The following FBLN7 variants were observed in gnomAD, a reference collection of about 807,000 sequenced individuals.
FBLN7 encodes fibulin 7.
FBLN7 carries 31 observed loss-of-function variants against 44.0 expected under a neutral mutation model. The ratio of observed to expected loss-of-function variants is 0.70; its 90% CI spans 0.53 to 0.95. The LOEUF (loss-of-function observed/expected upper bound fraction) is 0.95, where lower values mean the gene tolerates loss of function less well. Among genes scored for constraint, FBLN7 ranks in the 40% least tolerant of loss-of-function variants. The pLI, the probability that FBLN7 is intolerant of heterozygous loss-of-function variation, is 0.00. For missense variants in FBLN7, 573 were observed against 618.5 expected, an observed-to-expected ratio of 0.93 and a Z score of 0.78; for synonymous variants, 262 against 253.4, an observed-to-expected ratio of 1.03 and a Z score of -0.32.
intron 2 of FBLN7, among the ~76,000 whole-genome samples, chr2:112,161,901 C>T (rs1681893105): frequency 1.3e-5 from 2 of 152,216 alleles, no homozygotes; most frequent in Admixed American, 1.3e-4. Flanking sequence ...CCTGTGACAG[C>T]CCTGCAGAGG....
At chr2:112,173,660 T>A (rs923318940) in intron 3 of FBLN7, among the ~76,000 whole-genome samples, 5 of 152,240 alleles carry the variant, frequency 3.3e-5, no homozygotes. Context: ...ACGTGAAGTT[T>A]CACCTTCACG....
the FBLN7 span, among the ~76,000 whole-genome samples, chr2:112,229,814 TA>T: frequency 2.0e-5 from 3 of 150,040 alleles, no homozygotes; most frequent in African/African-American, 7.4e-5. Flanking sequence ...CTCCAAAACT[TA>T]AAAAAAAAGT....
the FBLN7 span, among the ~76,000 whole-genome samples, chr2:112,227,782 G>T: frequency 0.016 from 2,363 of 151,926 alleles, 64 homozygotes; most frequent in African/African-American, 0.053. Flanking sequence ...CTGTACACTT[G>T]TACAGTGAAA....
At chr2:112,143,683 C>A (rs555913910) in intron 1 of FBLN7, among the ~76,000 whole-genome samples, 2 of 152,152 alleles carry the variant, frequency 1.3e-5, no homozygotes, top group African/African-American at 4.8e-5. Flanking sequence ...CCCACCCCAG[C>A]CTTGGCAGCC....
chr2:112,181,826 G>T lies in FBLN7; in HGVS notation c.620G>T (p.Cys207Phe). The T allele has an allele frequency of 1.3e-6, 2 of 1,521,380 alleles. No homozygotes were observed. Among genetic ancestry groups the T allele is most frequent in the African/African-American group, 1.4e-5 (1 of 71,014 alleles). The allele number at this position is 1,521,380 out of a possible 1,614,324, so 94.2% of individuals were successfully genotyped here. The part of the protein sequence containing the change: ...AQVERAQHCS[C>F]EAGFHLSGAA... ...GTGGAGCGGGCTCAGCACTGCAGCT[G>T]CGAGGCCGGATTCCACCTGAGCGGC... The change falls in exon 5 of 8, where the codon TGC becomes TTC. Residue 207 changes from cysteine to phenylalanine, a missense_variant. Transcript: ENST00000331203.
chr2:112,211,651 C>A, the FBLN7 span: 1 of 152,090 alleles, frequency 6.6e-6, no homozygotes, highest in Non-Finnish European at 1.5e-5. Context: ...AAAACAATAA[C>A]CTGCTAATTA....
the FBLN7 span, among the ~76,000 whole-genome samples, chr2:112,197,296 G>GAGAC: frequency 4.9e-5 from 7 of 143,880 alleles, no homozygotes; most frequent in Admixed American, 4.2e-4. Flanking sequence ...GAGAGAGAGA[G>GAGAC]AGAGAGAGAG....
At chr2:112,154,355 C>T (rs1200991946) in intron 1 of FBLN7, among the ~76,000 whole-genome samples, 1 of 152,178 alleles carries the variant, frequency 6.6e-6, no homozygotes, top group Non-Finnish European at 1.5e-5. Context: ...CGGGGCGCCT[C>T]AAGAGCCCTG....
At chr2:112,185,164 A>G (rs1201581043) in intron 6 of FBLN7, 37 bp from the exon 7 acceptor site, 4 of 1,592,548 alleles carry the variant, frequency 2.5e-6, no homozygotes, top group Middle Eastern at 1.7e-4. Flanking sequence ...AGGGAAGGTC[A>G]GGGCGATTCT....
chr2:112,238,157 G>C, the FBLN7 span, among the ~76,000 whole-genome samples: 1 of 152,032 alleles, frequency 6.6e-6, no homozygotes, highest in African/African-American at 2.4e-5. Context: ...TCTCAGATGG[G>C]GTCTCTGGCC....
the FBLN7 span, among the ~76,000 whole-genome samples, chr2:112,209,456 G>T: frequency 6.6e-6 from 1 of 152,260 alleles, no homozygotes; most frequent in African/African-American, 2.4e-5. Flanking sequence ...TACCTCATAG[G>T]CTTACTTTGA....
chr2:112,214,371 A>G, the FBLN7 span: 2 of 152,176 alleles, frequency 1.3e-5, no homozygotes, highest in African/African-American at 2.4e-5. Context: ...GATAAATTCA[A>G]TAGAGCCATG....
At chr2:112,144,446 G>A (rs1308911053) in intron 1 of FBLN7, among the ~76,000 whole-genome samples, 3 of 151,390 alleles carry the variant, frequency 2.0e-5, no homozygotes, top group African/African-American at 4.9e-5. Flanking sequence ...AATTAACTTC[G>A]TATAATGCAT....
At chr2:112,223,703 T>C in the FBLN7 span, among the ~76,000 whole-genome samples, 8 of 152,166 alleles carry the variant, frequency 5.3e-5, no homozygotes, top group African/African-American at 1.4e-4. Flanking sequence ...AAATGACTGA[T>C]ATAATCTAGA....
chr2:112,241,928 C>T, the FBLN7 span, among the ~76,000 whole-genome samples: 3 of 152,184 alleles, frequency 2.0e-5, no homozygotes, highest in Non-Finnish European at 2.9e-5. Context: ...ATAGGCTTCA[C>T]CAGACTGCTA....
chr2:112,230,667 T>C, the FBLN7 span: 3 of 207,906 alleles, frequency 1.4e-5, no homozygotes, highest in Non-Finnish European at 2.9e-5. Context: ...ATTTGGTAAA[T>C]CTACAAAGAA....
the FBLN7 span, among the ~76,000 whole-genome samples, chr2:112,197,001 A>G: frequency 2.0e-4 from 30 of 152,104 alleles, no homozygotes; most frequent in East Asian, 5.4e-3. Context: ...CAAGAACAGC[A>G]TGGGGAAGAC....
At chr2:112,164,873 C>A in intron 2 of FBLN7, 128 bp from the exon 3 acceptor site, 1 of 1,015,948 alleles carries the variant, frequency 9.8e-7, no homozygotes, top group Non-Finnish European at 1.4e-6. Context: ...GAATGACCAG[C>A]ACAGTGCACA....
Position 112,187,963 on chromosome 2 carries a change from A to T in FBLN7, c.*457A>T, listed in dbSNP as rs1683354244. On this transcript the variant is annotated 3_prime_UTR_variant, in exon 8 of 8. Coordinates refer to ENST00000331203, the MANE Select transcript of FBLN7 (RefSeq NM_153214.3). This position sits in a 1 kb window ranked among gnomAD's most constrained non-coding sequence, Gnocchi z 5.1. ...CTAGTCATGCCTCTGCGCATGTGGC[A>T]TAGGAAGTGGAGTCTCCTCCCATGA... The T allele has an allele frequency of 5.2e-6, 1 of 193,062 alleles. No homozygotes were observed. Among genetic ancestry groups the T allele is most frequent in the East Asian group, 1.4e-4 (1 of 7,316 alleles). The allele number at this position is 193,062 out of a possible 1,614,324, so 12.0% of individuals were successfully genotyped here. A position where few individuals can be genotyped will look rare whatever the true frequency, so the allele number is the denominator to read the frequency against.
Sources: allele counts gnomAD v4.1 joint callset (sites outside exome capture counted in the v4.1 genomes callset), GRCh38; gene constraint gnomAD v4.1.1; non-coding constraint Gnocchi (gnomAD v3.1); transcripts MANE v1.5; gene names NCBI Gene and HGNC (gene_info 2026-07-23, HGNC 2026-07-21).